Variants in DTNA observed in about 807,000 individuals in gnomAD.
DTNA encodes the protein dystrobrevin alpha.
Under a neutral mutation model 100.7 loss-of-function variants are expected in DTNA, and 43 were observed. That is an observed-to-expected ratio of 0.43 (90% CI 0.33 to 0.55). The LOEUF (loss-of-function observed/expected upper bound fraction) is 0.55. Ranked by LOEUF, DTNA falls within the 20% of genes least tolerant of loss-of-function variation. The pLI, the probability that DTNA is intolerant of heterozygous loss-of-function variation, is 0.04. For synonymous variants in DTNA, 349 were observed against 347.9 expected, an observed-to-expected ratio of 1.00 and a Z score of -0.04; for missense variants, 798 against 953.9, an observed-to-expected ratio of 0.84 and a Z score of 2.15.
Position 34,649,966 on chromosome 18 carries a change from G to A in DTNA, c.-1-106010G>A, listed in dbSNP as rs1599590029. On this transcript the variant is annotated intron_variant, in intron 1 of 19. Transcript: ENST00000283365. ...AATAATATAAAAATGACATGTGTTT[G>A]CCTTCAAATTCCAAGCTGTGAATTG... Among the ~76,000 whole-genome samples, 3 of 152,076 alleles carry A rather than the reference G, an allele frequency of 2.0e-5. No individual in the cohort carries two copies. The South Asian group carries it at 6.2e-4, about 32-fold the overall frequency.
chr18:34,843,949 C>G (rs1219201502), intron 13 of DTNA, among the ~76,000 whole-genome samples: 2 of 152,180 alleles, frequency 1.3e-5, no homozygotes, highest in Admixed American at 1.3e-4. Flanking sequence ...CCTACACTTA[C>G]TGACAGTGTC....
intron 3 of DTNA, among the ~76,000 whole-genome samples, chr18:34,777,829 C>T (rs2094134844): frequency 1.3e-5 from 2 of 152,216 alleles, no homozygotes; most frequent in Admixed American, 6.5e-5. Context: ...CCTCTCTCCA[C>T]ATGTGGGCAT....
intron 17 of DTNA, among the ~76,000 whole-genome samples, chr18:34,864,659 T>A (rs1212503113): frequency 6.6e-6 from 1 of 152,266 alleles, no homozygotes; most frequent in African/African-American, 2.4e-5. Context: ...GTAATAAAAC[T>A]GGATTTATTT....
intron 16 of DTNA, 106 bp downstream of exon 16, chr18:34,858,504 T>G: frequency 3.5e-6 from 4 of 1,126,912 alleles, no homozygotes; most frequent in Non-Finnish European, 4.0e-6. Context: ...CCTTAGCTGC[T>G]GACATTTGTT....
At position 34,890,875 on chromosome 18, in the gene DTNA, A is replaced by G. The variant is rs1242668420; in HGVS notation, c.*3141A>G. 6.2e-6 allele frequency: 1 copy of G among 160,434 alleles called. No homozygotes were observed. Among genetic ancestry groups the G allele is most frequent in the Non-Finnish European group, 1.4e-5 (1 of 72,918 alleles). 9.9% of individuals were successfully genotyped at this position (160,434 alleles called of 1,614,324 possible). A position where few individuals can be genotyped will look rare whatever the true frequency, so the allele number is the denominator to read the frequency against. ...TATGCATGAGCCAAACTGTTGCATC[A>G]TAATTTAGCACTGATGTCTGCTTTT... On this transcript the variant is annotated 3_prime_UTR_variant, in exon 23 of 23. Transcript: ENST00000444659.
rs558178696 is a variant in DTNA, at chr18:34,883,250, G to A, written c.2295+1049G>A. ...TGGGCCTCAATGGTTATTTTATCCT[G>A]TCAGACTTTCTGTCCAGTGGCCAGA... is the stretch of plus-strand genomic sequence containing the variant. On this transcript the variant is annotated intron_variant, in intron 21 of 22. Coordinates refer to ENST00000444659, the MANE Select transcript of DTNA (RefSeq NM_001386795.1). 1.2e-4 allele frequency among the ~76,000 whole-genome samples: 18 copies of A among 152,134 alleles called. No individual in the cohort carries two copies. In the East Asian group the frequency reaches 3.5e-3, roughly 29 times the overall value.
intron 1 of DTNA, among the ~76,000 whole-genome samples, chr18:34,531,177 G>A (rs531720927): frequency 6.6e-6 from 1 of 152,224 alleles, no homozygotes; most frequent in South Asian, 2.1e-4. Flanking sequence ...TCTTGCTTTA[G>A]CATATACATT....
At chr18:34,670,618 G>C (rs1403837281) in intron 1 of DTNA, among the ~76,000 whole-genome samples, 1 of 152,186 alleles carries the variant, frequency 6.6e-6, no homozygotes, top group Non-Finnish European at 1.5e-5. Flanking sequence ...TGTCCTTTCT[G>C]TTTGTTAGTT....
At chr18:34,592,903 T>C (rs2049903730) in intron 1 of DTNA, among the ~76,000 whole-genome samples, 1 of 152,196 alleles carries the variant, frequency 6.6e-6, no homozygotes, top group Non-Finnish European at 1.5e-5. Flanking sequence ...AAAAATTTAC[T>C]ATTTGTATTT....
chr18:34,786,673 A>G (rs2094520997), intron 3 of DTNA, among the ~76,000 whole-genome samples: 1 of 151,164 alleles, frequency 6.6e-6, no homozygotes. Context: ...AAGAAGATAT[A>G]TGTATTCCCA....
At chr18:34,816,843 A>T (rs2095608175) in intron 7 of DTNA, among the ~76,000 whole-genome samples, 1 of 152,214 alleles carries the variant, frequency 6.6e-6, no homozygotes, top group South Asian at 2.1e-4. Context: ...CAGAATTTTT[A>T]GCATCTGCCC....
Position 34,657,066 on chromosome 18 carries a change from C to T in DTNA, c.-1-98910C>T, listed in dbSNP as rs577335895. Reference sequence around the variant, plus strand: ...TAATTTTTTATATTTTCAGTAGAGACAAGGTTTCATCATGTTGCCCAGGAT... The same window carrying T: ...TAATTTTTTATATTTTCAGTAGAGATAAGGTTTCATCATGTTGCCCAGGAT... On this transcript the variant is annotated intron_variant, in intron 1 of 19. Coordinates refer to the DTNA transcript ENST00000283365. Among the ~76,000 whole-genome samples, 3 of 152,126 alleles carry T rather than the reference C, an allele frequency of 2.0e-5. No homozygotes were observed. In the South Asian group the frequency reaches 6.2e-4, roughly 32 times the overall value.
intron 1 of DTNA, among the ~76,000 whole-genome samples, chr18:34,617,858 CT>C (rs767308199): frequency 2.6e-5 from 4 of 152,148 alleles, no homozygotes; most frequent in Non-Finnish European, 5.9e-5. Context: ...AAGCCAGAAA[CT>C]TTGTGTGATC....
intron 1 of DTNA, among the ~76,000 whole-genome samples, chr18:34,629,886 A>T (rs575810316): frequency 2.6e-5 from 4 of 152,256 alleles, no homozygotes; most frequent in African/African-American, 7.2e-5. Flanking sequence ...CCTGGGCTTG[A>T]TACATGCCTG....
chr18:34,556,048 G>T (rs895563342), intron 1 of DTNA, among the ~76,000 whole-genome samples: 2 of 151,004 alleles, frequency 1.3e-5, no homozygotes, highest in African/African-American at 4.9e-5. Context: ...ATGAATCTGG[G>T]TGCTCCTGTA....
intron 4 of DTNA, among the ~76,000 whole-genome samples, chr18:34,797,677 G>A (rs961779473): frequency 6.6e-6 from 1 of 152,210 alleles, no homozygotes; most frequent in Non-Finnish European, 1.5e-5. Context: ...AAAGTTAAAA[G>A]ATGAAAATAA....
intron 1 of DTNA, chr18:34,514,071 CT>C (rs2041353482): frequency 6.6e-6 from 1 of 152,104 alleles, no homozygotes; most frequent in African/African-American, 2.4e-5. Context: ...TCAGAATTCA[CT>C]CCACAGTGGC....
intron 1 of DTNA, among the ~76,000 whole-genome samples, chr18:34,653,892 TTTGAA>T (rs1164714058): frequency 1.3e-5 from 2 of 152,152 alleles, no homozygotes; most frequent in Non-Finnish European, 2.9e-5. Context: ...ATCAAACAGC[TTTGAA>T]TTGGAGACTC....
intron 3 of DTNA, among the ~76,000 whole-genome samples, chr18:34,778,602 G>A (rs371467245): frequency 6.6e-6 from 1 of 151,920 alleles, no homozygotes; most frequent in Non-Finnish European, 1.5e-5. Context: ...TAATATCCTG[G>A]AAATATTGTC....
Sources: gnomAD v4.1 joint callset for allele counts (sites outside exome capture counted in the v4.1 genomes callset) on GRCh38, gnomAD v4.1.1 for gene constraint, MANE v1.5 for transcripts, NCBI Gene and HGNC (gene_info 2026-07-23, HGNC 2026-07-21) for gene names.